The following CHTF8 variants were observed in gnomAD, a reference collection of about 807,000 sequenced individuals.
The protein encoded by CHTF8 is chromosome transmission fidelity factor 8, also known as chromosome transmission fidelity protein 8 homolog.
In CHTF8, 6 loss-of-function variants were observed where a neutral mutation model predicts 11.0. That is an observed-to-expected ratio of 0.55 (90% CI 0.30 to 1.08). The LOEUF is 1.08. Among genes scored for constraint, CHTF8 ranks in the 50% least tolerant of loss-of-function variants. The probability of loss-of-function intolerance (pLI) is 0.07; values close to 1 mark genes in which losing one functional copy is unlikely to be tolerated. For missense variants in CHTF8, 140 were observed against 153.1 expected (o/e 0.91, Z 0.45); for synonymous variants, 53 against 60.5 (o/e 0.88, Z 0.57).
chr16:69,118,124 C>A lies in CHTF8; in HGVS notation c.*2301G>T. The A allele has an allele frequency of 5.0e-6, 2 of 401,430 alleles. No homozygotes were observed. Among genetic ancestry groups the A allele is most frequent in the Admixed American group, 3.9e-5 (1 of 25,388 alleles). 24.9% of individuals were successfully genotyped at this position (401,430 alleles called of 1,614,324 possible). A position where few individuals can be genotyped will look rare whatever the true frequency, so the allele number is the denominator to read the frequency against. ...GCACAGTGATTTCTTCCCTTCATCC[C>A]CCACCCCCACCCTAATTCCCATATT... On this transcript the variant is annotated 3_prime_UTR_variant, in exon 4 of 4. Transcript: ENST00000448552.
chr16:69,126,928 A>G (rs1447050062), intron 1 of CHTF8, among the ~76,000 whole-genome samples: 2 of 152,114 alleles, frequency 1.3e-5, no homozygotes, highest in African/African-American at 2.4e-5. Context: ...GGGAGTATAT[A>G]TTTCATTCAG....
Position 69,120,168 on chromosome 16 carries a change from C to T in CHTF8, c.*257G>A, listed in dbSNP as rs764735519. The T allele has an allele frequency of 1.3e-5, 9 of 701,502 alleles. No homozygotes were observed. The highest frequency in any genetic ancestry group is 8.9e-5 in the South Asian group (6 of 67,510). 43.5% of individuals were successfully genotyped at this position (701,502 alleles called of 1,614,324 possible). A position where few individuals can be genotyped will look rare whatever the true frequency, so the allele number is the denominator to read the frequency against. On this transcript the variant is annotated 3_prime_UTR_variant, in exon 4 of 4. Coordinates refer to ENST00000448552, the MANE Select transcript of CHTF8 (RefSeq NM_001039690.5). The surrounding 1 kb of genome is among the most constrained non-coding windows in gnomAD (Gnocchi z 4.0). ...CCATACTTGGGTCACGAGCACCAGC[C>T]GGGAAAGGTGCTGGATTTGAAGCCA...
chr16:69,120,466 G>A lies in CHTF8; in HGVS notation c.325C>T (p.Arg109Cys), dbSNP rs555368304. The A allele has an allele frequency of 3.6e-5, 58 of 1,614,118 alleles. No homozygotes were observed. The Middle Eastern group carries it at 8.2e-4, about 23-fold the overall frequency. Residue 109 changes from arginine (R) to cysteine (C), a missense_variant, in exon 4 of 4, where the codon CGC (arginine) becomes TGC (cysteine). By Grantham distance (180) the Arg-to-Cys change is radical (BLOSUM62 -3). Transcript: ENST00000448552. This position sits in a 1 kb window ranked among gnomAD's most constrained non-coding sequence, Gnocchi z 4.0. ...LIKDKILFKT[R>C]PKPIITSVPK... is the part of the protein sequence containing the mutation. ...ACGCTGGTGATAATGGGCTTGGGGC[G>A]GGTTTTGAAAAGGATCTTGTCTTTG...
intron 1 of CHTF8, among the ~76,000 whole-genome samples, chr16:69,130,713 A>T (rs1381869727): frequency 6.6e-6 from 1 of 152,202 alleles, no homozygotes; most frequent in Non-Finnish European, 1.5e-5. Context: ...CAAGCTATCG[A>T]TTTCCCAGAG....
At position 69,120,809 on chromosome 16, in the gene CHTF8, C is replaced by T; in HGVS notation, c.142-160G>A. 1 of 729,902 alleles carries T rather than the reference C, an allele frequency of 1.4e-6. No individual in the cohort carries two copies. The highest frequency in any genetic ancestry group is 1.6e-5 in the South Asian group (1 of 61,130). 45.2% of individuals were successfully genotyped at this position (729,902 alleles called of 1,614,324 possible). A position where few individuals can be genotyped will look rare whatever the true frequency, so the allele number is the denominator to read the frequency against. ...CACACTGGACCACCCACCCATGTGC[C>T]CTTTTTACTTTCTAGCCCCACATAG... On this transcript the variant is annotated intron_variant, in intron 3 of 3. Coordinates refer to ENST00000448552, the MANE Select transcript of CHTF8 (RefSeq NM_001039690.5). This position sits in a 1 kb window ranked among gnomAD's most constrained non-coding sequence, Gnocchi z 4.0.
chr16:69,127,577 TC>T (rs528274788), intron 1 of CHTF8, among the ~76,000 whole-genome samples: 43 of 149,884 alleles, frequency 2.9e-4, no homozygotes, highest in African/African-American at 1.1e-3. Flanking sequence ...TAAAAGAGAG[TC>T]AGTGGAAGAG....
chr16:69,129,811 A>G (rs911839670), intron 1 of CHTF8, among the ~76,000 whole-genome samples: 1 of 152,232 alleles, frequency 6.6e-6, no homozygotes, highest in African/African-American at 2.4e-5. Context: ...CAAAATGGCA[A>G]AGTAACCTAT....
chr16:69,126,610 G>C (rs910003870), intron 1 of CHTF8, among the ~76,000 whole-genome samples: 2 of 152,232 alleles, frequency 1.3e-5, no homozygotes, highest in Non-Finnish European at 2.9e-5. Context: ...TGCTGCAGAT[G>C]TATGTAGAAA....
intron 1 of CHTF8, among the ~76,000 whole-genome samples, chr16:69,126,728 G>C (rs1162444546): frequency 6.6e-6 from 1 of 152,214 alleles, no homozygotes; most frequent in Non-Finnish European, 1.5e-5. Flanking sequence ...TACTAGTCAG[G>C]AACGTAGAGG....
At chr16:69,123,998 G>T (rs1396414503) in intron 1 of CHTF8, among the ~76,000 whole-genome samples, 1 of 151,860 alleles carries the variant, frequency 6.6e-6, no homozygotes, top group African/African-American at 2.4e-5. Context: ...CAGCTACTTG[G>T]GAGGCTGAGG....
intron 1 of CHTF8, among the ~76,000 whole-genome samples, chr16:69,124,935 G>C (rs533602857): frequency 1.3e-5 from 2 of 149,238 alleles, no homozygotes; most frequent in African/African-American, 2.5e-5. Context: ...ACAGAGTTTC[G>C]CTCCTGTTGC....
intron 2 of CHTF8, 76 bp from the exon 3 acceptor site, chr16:69,121,246 G>A (rs1472669633): frequency 2.1e-6 from 3 of 1,405,932 alleles, no homozygotes; most frequent in Admixed American, 1.9e-5. Context: ...CACCATTTGA[G>A]GCCCAAAGGA....
chr16:69,121,364 T>A (rs778057586), intron 2 of CHTF8, 72 bp downstream of exon 2: 6 of 1,402,748 alleles, frequency 4.3e-6, no homozygotes, highest in Non-Finnish European at 5.9e-6. Context: ...CCCTGATTCT[T>A]CCAGACACAT....
rs1244311226 is a variant in CHTF8 at position 69,119,853 on chromosome 16, G to C, written c.*572C>G. The stretch of plus-strand genomic sequence containing the variant: ...TAGGATTGGGAGGACCATTCCCAGA[G>C]GTTAACAGAACACCGGCTCTCAGGT... On this transcript the variant is annotated 3_prime_UTR_variant, in exon 4 of 4. Transcript: ENST00000448552. The C allele has an allele frequency of 1.4e-6, 1 of 701,402 alleles. No individual in the cohort carries two copies. Among genetic ancestry groups the C allele is most frequent in the South Asian group, 1.5e-5 (1 of 67,526 alleles). The allele number at this position is 701,402 out of a possible 1,614,324, so 43.4% of individuals were successfully genotyped here. A position where few individuals can be genotyped will look rare whatever the true frequency, so the allele number is the denominator to read the frequency against.
chr16:69,119,941 C>T lies in CHTF8; in HGVS notation c.*484G>A. 2 of 702,112 alleles carry T rather than the reference C, an allele frequency of 2.8e-6. No homozygotes were observed. Among genetic ancestry groups the T allele is most frequent in the South Asian group, 3.0e-5 (2 of 67,584 alleles). The allele number at this position is 702,112 out of a possible 1,614,324, so 43.5% of individuals were successfully genotyped here. Reference sequence around the variant, plus strand: ...GGGGTCAGGACCTGCTCCCAGGAGACCACCTGCCCTTGGGTTGGACATAGG... The same window carrying T: ...GGGGTCAGGACCTGCTCCCAGGAGATCACCTGCCCTTGGGTTGGACATAGG... On this transcript the variant is annotated 3_prime_UTR_variant, in exon 4 of 4. Coordinates refer to ENST00000448552, the MANE Select transcript of CHTF8 (RefSeq NM_001039690.5).
Position 69,118,653 on chromosome 16 carries a change from C to T in CHTF8, c.*1772G>A. ...TTTCTCTCAAGGGCAGGATTATTCC[C>T]ACCTGCCACAGTTCACATGCCACAA... On this transcript the variant is annotated 3_prime_UTR_variant, in exon 4 of 4. Transcript: ENST00000448552. 1.4e-6 allele frequency: 1 copy of T among 694,482 alleles called. No individual in the cohort carries two copies. The highest frequency in any genetic ancestry group is 1.5e-5 in the South Asian group (1 of 66,722). 43.0% of individuals were successfully genotyped at this position (694,482 alleles called of 1,614,324 possible).
rs1961577022 is a variant in CHTF8, at chr16:69,120,592, C to G, written c.199G>C (p.Glu67Gln). Residue 67 changes from glutamate to glutamine, a missense_variant, in exon 4 of 4, where the codon GAG becomes CAG. Glu to Gln is a conservative substitution (Grantham distance 29). Coordinates refer to ENST00000448552, the MANE Select transcript of CHTF8 (RefSeq NM_001039690.5). This position sits in a 1 kb window ranked among gnomAD's most constrained non-coding sequence, Gnocchi z 4.0. ...HILYGKIIHL[E>Q]KPFAVLVKHT... is the part of the protein sequence containing the mutation. ...TTGACAAGGACTGCAAAAGGTTTCTCCAGGTGGATGATTTTCCCATACAGG... is the reference window on the plus strand; with the variant it reads ...TTGACAAGGACTGCAAAAGGTTTCTGCAGGTGGATGATTTTCCCATACAGG... 1 of 1,613,988 alleles carries G rather than the reference C, an allele frequency of 6.2e-7. No individual in the cohort carries two copies. Among genetic ancestry groups the G allele is most frequent in the Non-Finnish European group, 8.5e-7 (1 of 1,179,918 alleles).
Position 69,129,999 on chromosome 16 carries a change from T to G in CHTF8, c.-36+2485A>C, listed in dbSNP as rs138173447. Among the ~76,000 whole-genome samples the G allele has an allele frequency of 1.2e-3, 190 of 152,358 alleles. 2 individuals are homozygous for G. Among genetic ancestry groups the G allele is most frequent in the Middle Eastern group, 6.8e-3 (2 of 294 alleles). ...AAGCTTTACCCTCTGCTCCTGAATG[T>G]GAAAGTCAAGAGAATAGAGGACATT... On this transcript the variant is annotated intron_variant, in intron 1 of 3. Transcript: ENST00000448552.
At chr16:69,126,667 A>G (rs1310931229) in intron 1 of CHTF8, among the ~76,000 whole-genome samples, 1 of 152,254 alleles carries the variant, frequency 6.6e-6, no homozygotes, top group African/African-American at 2.4e-5. Context: ...AGGAACTTAC[A>G]GACTGCTCTG....
Sources: gnomAD v4.1 joint callset for allele counts (sites outside exome capture counted in the v4.1 genomes callset) on GRCh38, gnomAD v4.1.1 for gene constraint, Gnocchi (gnomAD v3.1) non-coding constraint, MANE v1.5 for transcripts, NCBI Gene and HGNC (gene_info 2026-07-23, HGNC 2026-07-21) for gene names.